LRMDA: variants seen among roughly 807,000 people sequenced by gnomAD.
LRMDA encodes the protein leucine rich melanocyte differentiation associated, also known as leucine-rich melanocyte differentiation-associated protein.
LRMDA carries 18 observed loss-of-function variants against 29.8 expected under a neutral mutation model. The observed-to-expected ratio is 0.60, with a 90% confidence interval of 0.42 to 0.90. The LOEUF (loss-of-function observed/expected upper bound fraction) is 0.90. Among genes scored for constraint, LRMDA ranks in the 40% least tolerant of loss-of-function variants. The pLI is 0.00. For synonymous variants in LRMDA, 125 were observed against 109.4 expected, an observed-to-expected ratio of 1.14 and a Z score of -0.89; for missense variants, 273 against 273.9, an observed-to-expected ratio of 1.00 and a Z score of 0.02.
At chr10:76,531,188 G>T (rs1843229776) in intron 6 of LRMDA, among the ~76,000 whole-genome samples, 1 of 152,100 alleles carries the variant, frequency 6.6e-6, no homozygotes, top group African/African-American at 2.4e-5. Flanking sequence ...TCTCTAATAT[G>T]GGAGAGACCA....
At chr10:75,987,824 A>G (rs1308432733) in intron 2 of LRMDA, among the ~76,000 whole-genome samples, 2 of 152,096 alleles carry the variant, frequency 1.3e-5, no homozygotes, top group African/African-American at 4.8e-5. Context: ...CCCCATGACA[A>G]ATGCCAAGTC....
chr10:75,885,483 G>GT (rs1303388642), intron 2 of LRMDA, among the ~76,000 whole-genome samples: 1 of 152,204 alleles, frequency 6.6e-6, no homozygotes, highest in Admixed American at 6.5e-5. Context: ...GACATGTTCT[G>GT]TAACTAAGGA....
At chr10:76,074,223 G>C (rs536450990) in intron 5 of LRMDA, among the ~76,000 whole-genome samples, 1 of 152,154 alleles carries the variant, frequency 6.6e-6, no homozygotes, top group Non-Finnish European at 1.5e-5. Context: ...GAAGTTTTCA[G>C]CATGTGCTGT....
intron 6 of LRMDA, among the ~76,000 whole-genome samples, chr10:76,528,004 T>C (rs1843196123): frequency 6.6e-6 from 1 of 152,124 alleles, no homozygotes; most frequent in Non-Finnish European, 1.5e-5. Flanking sequence ...GCTTAAAAAG[T>C]AAAGCAACTC....
At chr10:76,468,746 C>T (rs1022397360) in intron 6 of LRMDA, among the ~76,000 whole-genome samples, 4 of 151,364 alleles carry the variant, frequency 2.6e-5, no homozygotes, top group African/African-American at 4.9e-5. Context: ...TCACAGAACA[C>T]ATAAATACAC....
At chr10:76,366,047 C>T (rs1327189137) in intron 6 of LRMDA, among the ~76,000 whole-genome samples, 1 of 152,056 alleles carries the variant, frequency 6.6e-6, no homozygotes, top group East Asian at 1.9e-4. Context: ...GATCAGTTGG[C>T]TGTAAGTATT....
chr10:75,453,261 T>C (rs1844479670), intron 2 of LRMDA, among the ~76,000 whole-genome samples: 1 of 152,216 alleles, frequency 6.6e-6, no homozygotes, highest in Non-Finnish European at 1.5e-5. Context: ...AAATGTGGCA[T>C]TTATAGTAGT....
intron 5 of LRMDA, among the ~76,000 whole-genome samples, chr10:76,316,702 C>T (rs1458910637): frequency 4.6e-5 from 7 of 152,196 alleles, no homozygotes; most frequent in Non-Finnish European, 1.0e-4. Flanking sequence ...TGTACACACA[C>T]CCACATTACT....
intron 6 of LRMDA, among the ~76,000 whole-genome samples, chr10:76,426,136 T>C (rs542531255): frequency 6.6e-6 from 1 of 152,324 alleles, no homozygotes; most frequent in South Asian, 2.1e-4. Context: ...GATGGCTGGG[T>C]CAAATGGTAT....
intron 2 of LRMDA, among the ~76,000 whole-genome samples, chr10:75,701,062 ACTC>A (rs1842302559): frequency 6.6e-6 from 1 of 152,032 alleles, no homozygotes; most frequent in Non-Finnish European, 1.5e-5. Context: ...GCGATAGAGA[ACTC>A]CTGCATTGAG....
chr10:76,349,092 G>A (rs1390410624), intron 6 of LRMDA, among the ~76,000 whole-genome samples: 1 of 152,214 alleles, frequency 6.6e-6, no homozygotes, highest in East Asian at 1.9e-4. Flanking sequence ...GGCAGGTGAA[G>A]CCATTGTGAG....
intron 2 of LRMDA, among the ~76,000 whole-genome samples, chr10:75,878,666 G>T (rs1350672003): frequency 6.6e-6 from 1 of 152,236 alleles, no homozygotes; most frequent in African/African-American, 2.4e-5. Context: ...AGGAGTGCCT[G>T]TTCTCACTTA....
At chr10:75,963,859 T>C (rs978881547) in intron 2 of LRMDA, among the ~76,000 whole-genome samples, 2 of 152,256 alleles carry the variant, frequency 1.3e-5, no homozygotes, top group African/African-American at 4.8e-5. Flanking sequence ...GACAACTTTA[T>C]TATTACCATT....
intron 2 of LRMDA, among the ~76,000 whole-genome samples, chr10:75,658,400 G>T (rs189177311): frequency 1.3e-5 from 2 of 151,996 alleles, no homozygotes; most frequent in East Asian, 3.9e-4. Flanking sequence ...GGAGTGTTCA[G>T]ACTAGGGAAG....
At chr10:75,948,429 A>G (rs2132417178) in intron 2 of LRMDA, among the ~76,000 whole-genome samples, 1 of 152,354 alleles carries the variant, frequency 6.6e-6, no homozygotes, top group Admixed American at 6.5e-5. Flanking sequence ...AGTCTTCATT[A>G]TAAAAGAACA....
At chr10:75,743,084 T>G (rs867589787) in intron 2 of LRMDA, among the ~76,000 whole-genome samples, 1 of 151,970 alleles carries the variant, frequency 6.6e-6, no homozygotes, top group African/African-American at 2.4e-5. Context: ...GATTATGGTC[T>G]GTGTGGAGAC....
intron 2 of LRMDA, among the ~76,000 whole-genome samples, chr10:75,753,150 A>G (rs77715123): frequency 0.011 from 1,733 of 152,184 alleles, 40 homozygotes; most frequent in African/African-American, 0.041. Context: ...TACCCTGTTC[A>G]TTTTTAAAGC....
chr10:76,264,281 T>C (rs1207775679), intron 5 of LRMDA, among the ~76,000 whole-genome samples: 9 of 151,258 alleles, frequency 6.0e-5, no homozygotes, highest in Non-Finnish European at 1.3e-4. Context: ...ATGCCTGTAG[T>C]CTGTAGTCCC....
chr10:75,940,586 T>C (rs1383978660), intron 2 of LRMDA, among the ~76,000 whole-genome samples: 1 of 152,170 alleles, frequency 6.6e-6, no homozygotes, highest in Non-Finnish European at 1.5e-5. Context: ...TTCTGTCTTG[T>C]GTTAGAGTAG....
Sources: allele counts gnomAD v4.1 joint callset (sites outside exome capture counted in the v4.1 genomes callset), GRCh38; gene constraint gnomAD v4.1.1; transcripts MANE v1.5; gene names NCBI Gene and HGNC (gene_info 2026-07-23, HGNC 2026-07-21).